Variants in EXOSC1 observed in about 807,000 individuals in gnomAD.
EXOSC1 encodes exosome complex component CSL4.
EXOSC1 carries 27 observed loss-of-function variants against 31.4 expected under a neutral mutation model. That is an observed-to-expected ratio of 0.86 (90% CI 0.63 to 1.18). EXOSC1 has a LOEUF of 1.18. Ranked by LOEUF, EXOSC1 falls within the 50% of genes most tolerant of loss-of-function variation. The pLI is 0.00. For synonymous variants in EXOSC1, 84 were observed against 89.5 expected (o/e 0.94, Z 0.35); for missense variants, 228 against 250.3 (o/e 0.91, Z 0.60).
chr10:97,445,725 C>A lies in EXOSC1; in HGVS notation c.147+7G>T. Reference sequence around the variant, plus strand: ...ACAGAGGGGAGATGGCATGCCGCTTCCTTTACCGCGCCATTCTCGCTGCTC... The same window carrying A: ...ACAGAGGGGAGATGGCATGCCGCTTACTTTACCGCGCCATTCTCGCTGCTC... On this transcript the variant is annotated splice_region_variant and intron_variant, in intron 2 of 7. Coordinates refer to ENST00000370902, the MANE Select transcript of EXOSC1 (RefSeq NM_016046.5). The A allele has an allele frequency of 6.2e-7, 1 of 1,612,056 alleles. No individual in the cohort carries two copies. Among genetic ancestry groups the A allele is most frequent in the South Asian group, 1.1e-5 (1 of 91,028 alleles).
At chr10:97,440,218 C>T (rs1178110168) in intron 4 of EXOSC1, among the ~76,000 whole-genome samples, 3 of 152,092 alleles carry the variant, frequency 2.0e-5, no homozygotes, top group East Asian at 1.9e-4. Flanking sequence ...GTGATCCGCC[C>T]GCCTCGGCCT....
chr10:97,437,466 G>A (rs574758684), intron 6 of EXOSC1, among the ~76,000 whole-genome samples, 191 bp from the exon 7 acceptor site: 1 of 152,150 alleles, frequency 6.6e-6, no homozygotes, highest in East Asian at 1.9e-4. Flanking sequence ...TCCTGCCTCA[G>A]CTTCCCGAAT....
chr10:97,437,687 G>T lies in EXOSC1; in HGVS notation c.396+13C>A. On this transcript the variant is annotated intron_variant, in intron 6 of 7. Coordinates refer to ENST00000370902, the MANE Select transcript of EXOSC1 (RefSeq NM_016046.5). ...TGACAAAGGACCAGAAGTCTGCTGG[G>T]AATAAAGGATACCACTTTGGCCAAG... is the stretch of plus-strand genomic sequence containing the variant. 1 of 1,612,078 alleles carries T rather than the reference G, an allele frequency of 6.2e-7. No individual in the cohort carries two copies. Among genetic ancestry groups the T allele is most frequent in the Non-Finnish European group, 8.5e-7 (1 of 1,178,390 alleles).
At position 97,438,699 on chromosome 10, in the gene EXOSC1, C is replaced by T. The variant is rs202167776; in HGVS notation, c.316G>A (p.Glu106Lys). The change falls in exon 5 of 8, where the codon GAA becomes AAA. Residue 106 changes from glutamate to lysine, a missense_variant. Physicochemically the swap from Glu to Lys is moderately conservative, Grantham distance 56 (BLOSUM62 1). Coordinates refer to ENST00000370902, the MANE Select transcript of EXOSC1 (RefSeq NM_016046.5). ...TCTTTTTCAGTTGCTCGGACATCTT[C>T]CTTGCTATAAAAAAAGAATTAACAG... ...KNSFRGTIRK[E>K]DVRATEKDKV... 3 of 1,605,108 alleles carry T rather than the reference C, an allele frequency of 1.9e-6. No homozygotes were observed. Among genetic ancestry groups the T allele is most frequent in the East Asian group, 2.2e-5 (1 of 44,756 alleles).
At chr10:97,445,369 G>A (rs1845906460) in intron 2 of EXOSC1, 2 of 230,410 alleles carry the variant, frequency 8.7e-6, no homozygotes, top group African/African-American at 4.5e-5. Flanking sequence ...AAGACAGTAT[G>A]ACTAGATTGC....
chr10:97,445,714 G>T lies in EXOSC1; in HGVS notation c.147+18C>A. The T allele has an allele frequency of 6.2e-7, 1 of 1,609,766 alleles. No homozygotes were observed. Among genetic ancestry groups the T allele is most frequent in the African/African-American group, 1.3e-5 (1 of 74,976 alleles). ...CTAAGGGAAAAACAGAGGGGAGATG[G>T]CATGCCGCTTCCTTTACCGCGCCAT... is the stretch of plus-strand genomic sequence containing the variant. On this transcript the variant is annotated intron_variant, in intron 2 of 7. Coordinates refer to ENST00000370902, the MANE Select transcript of EXOSC1 (RefSeq NM_016046.5).
At position 97,445,669 on chromosome 10, in the gene EXOSC1, G is replaced by A. The variant is rs1845937043; in HGVS notation, c.147+63C>T. ...CGCGTCCGCAGTGCCCATGCCTAAG[G>A]ACTGGAACTCAAGGGCAGCCTAAGG... is the stretch of plus-strand genomic sequence containing the variant. On this transcript the variant is annotated intron_variant, in intron 2 of 7. Transcript: ENST00000370902. The A allele has an allele frequency of 2.7e-6, 4 of 1,505,370 alleles. No individual in the cohort carries two copies. The South Asian group carries it at 3.5e-5, about 13-fold the overall frequency. The allele number at this position is 1,505,370 out of a possible 1,614,324, so 93.3% of individuals were successfully genotyped here.
At chr10:97,445,008 A>G (rs1055411404) in intron 2 of EXOSC1, 1 of 152,184 alleles carries the variant, frequency 6.6e-6, no homozygotes, top group African/African-American at 2.4e-5. Flanking sequence ...CTAGTAGGAA[A>G]CATATACCTG....
chr10:97,441,022 A>G, intron 4 of EXOSC1, 149 bp downstream of exon 4: 1 of 566,372 alleles, frequency 1.8e-6, no homozygotes, highest in Non-Finnish European at 3.1e-6. Context: ...TTTTTTGGAT[A>G]CTACTAGGGG....
At chr10:97,442,582 C>T (rs1220660712) in intron 3 of EXOSC1, among the ~76,000 whole-genome samples, 1 of 152,192 alleles carries the variant, frequency 6.6e-6, no homozygotes, top group Non-Finnish European at 1.5e-5. Context: ...GATCATGGCT[C>T]ACTGCAGCCT....
chr10:97,445,225 G>C (rs1170378469), intron 2 of EXOSC1: 1 of 156,498 alleles, frequency 6.4e-6, no homozygotes, highest in Non-Finnish European at 1.4e-5. Flanking sequence ...AAGCGTTCCA[G>C]ATAGATGGCA....
At chr10:97,437,311 T>A in intron 6 of EXOSC1, 36 bp from the exon 7 acceptor site, 2 of 1,522,090 alleles carry the variant, frequency 1.3e-6, no homozygotes, top group Non-Finnish European at 1.8e-6. Context: ...AAATGAGGAG[T>A]TAGAAGTCTT....
chr10:97,438,476 T>G (rs1168786089), intron 5 of EXOSC1, among the ~76,000 whole-genome samples, 194 bp downstream of exon 5: 1 of 151,910 alleles, frequency 6.6e-6, no homozygotes, highest in Non-Finnish European at 1.5e-5. Flanking sequence ...TTTGAATTTT[T>G]AAAATTTTTG....
chr10:97,443,546 G>A (rs1000572108), intron 2 of EXOSC1, among the ~76,000 whole-genome samples: 5 of 152,150 alleles, frequency 3.3e-5, no homozygotes, highest in South Asian at 2.1e-4. Flanking sequence ...TGTTGGAGAC[G>A]GAGTCTTGCT....
Position 97,437,231 on chromosome 10 carries a change from G to A in EXOSC1, c.441C>T (p.Ala147=), listed in dbSNP as rs201183350. ...DAQSNYLLTT[A]ENELGVVVAH... ...CTACCACCACTCCCAGCTCGTTCTCGGCGGTGGTTAGCAGGTAGTTGGACT... is the reference window on the plus strand; with the variant it reads ...CTACCACCACTCCCAGCTCGTTCTCAGCGGTGGTTAGCAGGTAGTTGGACT... Residue 147 remains alanine (A), a synonymous_variant, in exon 7 of 8, where the codon GCC becomes GCT. Coordinates refer to ENST00000370902, the MANE Select transcript of EXOSC1 (RefSeq NM_016046.5). 9.0e-5 allele frequency: 145 copies of A among 1,614,132 alleles called. No homozygotes were observed. The South Asian group carries it at 1.0e-3, about 11-fold the overall frequency.
rs111826501 is a variant in EXOSC1, at chr10:97,437,292, G to T, written c.397-17C>A. The T allele has an allele frequency of 2.5e-6, 4 of 1,600,516 alleles. No individual in the cohort carries two copies. Among genetic ancestry groups the T allele is most frequent in the Non-Finnish European group, 3.4e-6 (4 of 1,169,128 alleles). ...TAAGGAGATCTAGTCACATAACACC[G>T]GTGAAGGAAAATGAGGAGTTAGAAG... On this transcript the variant is annotated splice_polypyrimidine_tract_variant and intron_variant, in intron 6 of 7. Coordinates refer to ENST00000370902, the MANE Select transcript of EXOSC1 (RefSeq NM_016046.5).
chr10:97,439,833 T>C (rs1845659045), intron 4 of EXOSC1, among the ~76,000 whole-genome samples: 1 of 152,178 alleles, frequency 6.6e-6, no homozygotes, highest in Non-Finnish European at 1.5e-5. Flanking sequence ...TTAGATTATC[T>C]GCCTGGCAAG....
Position 97,445,970 on chromosome 10 carries a change from T to A in EXOSC1, c.16A>T (p.Arg6Ter). Residue 6 changes from arginine (R) to a stop codon, truncating the protein, a stop_gained, in exon 1 of 8, where the codon AGA becomes TGA. Coordinates refer to ENST00000370902, the MANE Select transcript of EXOSC1 (RefSeq NM_016046.5). LOFTEE classifies it high-confidence loss of function. MAPPV[R>*]YCIPGERLCN... is the part of the protein sequence containing the mutation. The stretch of plus-strand genomic sequence containing the variant: ...GCTCACTTACCGGGGATGCAGTATC[T>A]CACAGGTGGCGCCATGATTGCCGCT... The A allele has an allele frequency of 6.2e-7, 1 of 1,614,192 alleles. No homozygotes were observed. The highest frequency in any genetic ancestry group is 2.2e-5 in the East Asian group (1 of 44,886).
At chr10:97,442,355 T>C (rs1845746007) in intron 3 of EXOSC1, among the ~76,000 whole-genome samples, 1 of 152,154 alleles carries the variant, frequency 6.6e-6, no homozygotes. Context: ...TATGCATGCC[T>C]GAACTTGGCT....
Sources: allele counts gnomAD v4.1 joint callset (sites outside exome capture counted in the v4.1 genomes callset), GRCh38; gene constraint gnomAD v4.1.1; transcripts MANE v1.5; gene names NCBI Gene and HGNC (gene_info 2026-07-23, HGNC 2026-07-21).